SRC: variants seen among roughly 807,000 people sequenced by gnomAD.
The protein encoded by SRC is SRC proto-oncogene, non-receptor tyrosine kinase.
Under a neutral mutation model 62.9 loss-of-function variants are expected in SRC, and 13 were observed. The ratio of observed to expected loss-of-function variants is 0.21; its 90% CI spans 0.13 to 0.33. The LOEUF is 0.33. Ranked by LOEUF, SRC falls within the 10% of genes least tolerant of loss-of-function variation. The pLI, the probability that SRC is intolerant of heterozygous loss-of-function variation, is 1.00. For synonymous variants in SRC, 302 were observed against 317.5 expected, an observed-to-expected ratio of 0.95 and a Z score of 0.52; for missense variants, 457 against 737.3, an observed-to-expected ratio of 0.62 and a Z score of 4.40.
intron 2 of SRC, among the ~76,000 whole-genome samples, chr20:37,373,474 T>C (rs900815973): frequency 1.1e-4 from 16 of 148,646 alleles, no homozygotes; most frequent in Non-Finnish European, 1.8e-4. Context: ...CACACACACA[T>C]ACATATATAT....
In SRC at chr20:37,393,898, G is replaced by A. The variant is rs1233295453; in HGVS notation, c.354G>A (p.Glu118=). ...GERLQIVNNT[E]GDWWLAHSLS... is the part of the protein sequence containing the mutation. The stretch of plus-strand genomic sequence containing the variant: ...CCCTCCTTCTGTCCCTGCTCAGAGA[G>A]GGAGACTGGTGGCTGGCCCACTCGC... The change falls in exon 6 of 14, where the codon GAG becomes GAA. Residue 118 remains glutamate, a synonymous_variant. Coordinates refer to ENST00000373578, the MANE Select transcript of SRC (RefSeq NM_198291.3). 4 of 1,613,352 alleles carry A rather than the reference G, an allele frequency of 2.5e-6. No homozygotes were observed. In the African/African-American group the frequency reaches 4.0e-5, roughly 16 times the overall value.
At chr20:37,382,379 G>A (rs1301703157) in intron 2 of SRC, among the ~76,000 whole-genome samples, 1 of 152,164 alleles carries the variant, frequency 6.6e-6, no homozygotes, top group Non-Finnish European at 1.5e-5. Context: ...GATGTGGAGA[G>A]CCCAGCTCCA....
rs185568146 is a variant in SRC, at chr20:37,389,366, G to A, written c.350+3192G>A. Among the ~76,000 whole-genome samples the A allele has an allele frequency of 8.5e-4, 129 of 152,248 alleles. 2 individuals are homozygous for A. The highest frequency in any genetic ancestry group is 3.0e-3 in the African/African-American group (123 of 41,542). ...CTGGCAGGCGCTTCTGGGCAACAGC[G>A]CCTCAGCTGGCCTCTGCCTCCTTGC... is the stretch of plus-strand genomic sequence containing the variant. On this transcript the variant is annotated intron_variant, in intron 5 of 13. Coordinates refer to ENST00000373578, the MANE Select transcript of SRC (RefSeq NM_198291.3).
At chr20:37,371,025 G>A (rs1436288849) in intron 2 of SRC, among the ~76,000 whole-genome samples, 1 of 115,836 alleles carries the variant, frequency 8.6e-6, no homozygotes, top group Non-Finnish European at 1.7e-5. Context: ...TTTCACTCTT[G>A]TTGCCCACGC....
intron 2 of SRC, among the ~76,000 whole-genome samples, chr20:37,373,464 C>CGCATATATGCATATAT (rs1167863006): frequency 6.8e-6 from 1 of 146,560 alleles, no homozygotes; most frequent in African/African-American, 2.7e-5. Context: ...TGCATATATA[C>CGCATATATGCATATAT]ACACACACAT....
intron 1 of SRC, among the ~76,000 whole-genome samples, chr20:37,362,733 G>C (rs182553122): frequency 1.3e-5 from 2 of 152,188 alleles, no homozygotes; most frequent in East Asian, 3.9e-4. Context: ...TCCTGGGGTG[G>C]GGTGGGGGGG....
In SRC at chr20:37,402,596, G is replaced by GGGGCTGTGTGGTATGTC. The variant is rs2070756039; in HGVS notation, c.1270+10_1270+26dup. ...AGTACACGGCGCGGCAAGGTGGGCA[G>GGGGCTGTGTGGTATGTC]GGGCTGTGTGGTATGTCGCGCTTGG... On this transcript the variant is annotated intron_variant, in intron 12 of 13. Coordinates refer to ENST00000373578, the MANE Select transcript of SRC (RefSeq NM_198291.3). This position sits in a 1 kb window ranked among gnomAD's most constrained non-coding sequence, Gnocchi z 6.2. 6.2e-7 allele frequency: 1 copy of GGGGCTGTGTGGTATGTC among 1,606,472 alleles called. No individual in the cohort carries two copies. Among genetic ancestry groups the GGGGCTGTGTGGTATGTC allele is most frequent in the African/African-American group, 1.3e-5 (1 of 74,716 alleles).
intron 2 of SRC, among the ~76,000 whole-genome samples, chr20:37,376,002 A>C (rs1212681794): frequency 6.6e-6 from 1 of 152,164 alleles, no homozygotes; most frequent in Non-Finnish European, 1.5e-5. Flanking sequence ...CTTATGACTT[A>C]TGTAAACCTA....
In SRC at chr20:37,397,461, ACCCCCTACT is replaced by A; in HGVS notation, c.704-237_704-229del. 6.6e-6 allele frequency among the ~76,000 whole-genome samples: 1 copy of A among 151,986 alleles called. No individual in the cohort carries two copies. Among genetic ancestry groups the A allele is most frequent in the Non-Finnish European group, 1.5e-5 (1 of 67,948 alleles). ...GTTCCCTCCCCGCAGGGTTCCTGGC[ACCCCCTACT>A]GTCTGCTGAATGACTGACTGAATGA... On this transcript the variant is annotated intron_variant, in intron 8 of 13. Transcript: ENST00000373578. The surrounding 1 kb of genome is among the most constrained non-coding windows in gnomAD (Gnocchi z 4.1).
chr20:37,373,215 T>C (rs562204160), intron 2 of SRC, among the ~76,000 whole-genome samples: 18,833 of 129,188 alleles, frequency 0.15, 1,884 homozygotes, highest in African/African-American at 0.36. Context: ...TCTACACACA[T>C]GTACATACGT....
chr20:37,397,441 C>T lies in SRC; in HGVS notation c.704-258C>T, dbSNP rs2147106054. ...AGGGCAGGTTCCCTGGACATGTTCC[C>T]TCCCCGCAGGGTTCCTGGCACCCCC... On this transcript the variant is annotated intron_variant, in intron 8 of 13. Coordinates refer to ENST00000373578, the MANE Select transcript of SRC (RefSeq NM_198291.3). This position sits in a 1 kb window ranked among gnomAD's most constrained non-coding sequence, Gnocchi z 4.1. Among the ~76,000 whole-genome samples, 1 of 152,348 alleles carries T rather than the reference C, an allele frequency of 6.6e-6. No homozygotes were observed. Among genetic ancestry groups the T allele is most frequent in the East Asian group, 1.9e-4 (1 of 5,192 alleles).
At chr20:37,378,336 T>A (rs187687649) in intron 2 of SRC, among the ~76,000 whole-genome samples, 2 of 152,058 alleles carry the variant, frequency 1.3e-5, no homozygotes, top group East Asian at 3.9e-4. Flanking sequence ...AGAGATACAG[T>A]CTCACTATGT....
Position 37,384,558 on chromosome 20 carries a change from C to T in SRC, c.250+155C>T, listed in dbSNP as rs1256218604. On this transcript the variant is annotated intron_variant, in intron 4 of 13. Coordinates refer to ENST00000373578, the MANE Select transcript of SRC (RefSeq NM_198291.3). This position sits in a 1 kb window ranked among gnomAD's most constrained non-coding sequence, Gnocchi z 6.7. ...CTTGGGTGTCCGGGGGGTGGGGGGG[C>T]GGCCGTACACACTGTGAAGCGTCCG... is the stretch of plus-strand genomic sequence containing the variant. 6.7e-6 allele frequency among the ~76,000 whole-genome samples: 1 copy of T among 150,254 alleles called. No individual in the cohort carries two copies. Among genetic ancestry groups the T allele is most frequent in the African/African-American group, 2.5e-5 (1 of 39,928 alleles).
At chr20:37,394,528 G>A (rs1480259184) in intron 7 of SRC, among the ~76,000 whole-genome samples, 2 of 152,150 alleles carry the variant, frequency 1.3e-5, no homozygotes, top group East Asian at 3.9e-4. Flanking sequence ...GATGAACATA[G>A]GTTGTCTGGA....
rs2147121881 is a variant in SRC at position 37,401,688 on chromosome 20, C to A, written c.1116+10C>A. On this transcript the variant is annotated intron_variant, in intron 11 of 13. Transcript: ENST00000373578. ...GGACATGGCTGCTCAGGTGAGTCAG[C>A]CCCTCCCGCCTCCCCACACCCTTGG... 6.2e-7 allele frequency: 1 copy of A among 1,601,086 alleles called. No homozygotes were observed. Among genetic ancestry groups the A allele is most frequent in the Non-Finnish European group, 8.5e-7 (1 of 1,173,012 alleles).
Position 37,405,059 on chromosome 20 carries a change from G to A in SRC, c.*1680G>A, listed in dbSNP as rs769482136. The A allele has an allele frequency of 4.3e-6, 1 of 233,368 alleles. No homozygotes were observed. Among genetic ancestry groups the A allele is most frequent in the African/African-American group, 2.2e-5 (1 of 45,266 alleles). 14.5% of individuals were successfully genotyped at this position (233,368 alleles called of 1,614,324 possible). On this transcript the variant is annotated 3_prime_UTR_variant, in exon 14 of 14. Transcript: ENST00000373578. Reference sequence around the variant, plus strand: ...CAGCCAGGCCCTGCCAGTGGGGAAGGAGGCCAAGCAGTGCCTGCCTATGAA... The same window carrying A: ...CAGCCAGGCCCTGCCAGTGGGGAAGAAGGCCAAGCAGTGCCTGCCTATGAA...
chr20:37,361,132 G>A (rs2146937652), intron 1 of SRC, among the ~76,000 whole-genome samples: 1 of 151,996 alleles, frequency 6.6e-6, no homozygotes, highest in East Asian at 1.9e-4. Context: ...GGGTGGTGGA[G>A]CTTAGGGGGG....
In SRC at chr20:37,401,619, C is replaced by T; in HGVS notation, c.1057C>T (p.Leu353Phe). The T allele has an allele frequency of 1.2e-6, 2 of 1,611,136 alleles. No individual in the cohort carries two copies. Among genetic ancestry groups the T allele is most frequent in the South Asian group, 1.1e-5 (1 of 90,574 alleles). ...CTGCCCAGGGAGTTTGCTGGACTTT[C>T]TCAAGGGGGAGACAGGCAAGTACCT... is the stretch of plus-strand genomic sequence containing the variant. ...YMSKGSLLDF[L>F]KGETGKYLRL... Residue 353 changes from leucine to phenylalanine, a missense_variant, in exon 11 of 14, where the codon CTC (leucine) becomes TTC (phenylalanine). By Grantham distance (22) the Leu-to-Phe change is conservative. This residue lies in a region of SRC where 168 missense variants were observed against 357.8 expected (regional missense o/e 0.47). Transcript: ENST00000373578.
At chr20:37,386,428 C>T (rs1568636044) in intron 5 of SRC, 1 of 717,750 alleles carries the variant, frequency 1.4e-6, no homozygotes, top group Non-Finnish European at 2.6e-6. Flanking sequence ...TCAGCTTCTC[C>T]CTCTCTCTGC....
Sources: allele counts gnomAD v4.1 joint callset (sites outside exome capture counted in the v4.1 genomes callset), GRCh38; gene constraint gnomAD v4.1.1; regional missense constraint gnomAD v4.1.1; non-coding constraint Gnocchi (gnomAD v3.1); transcripts MANE v1.5; gene names NCBI Gene and HGNC (gene_info 2026-07-23, HGNC 2026-07-21).